ZCCHC24: variants seen among roughly 807,000 people sequenced by gnomAD.
The protein encoded by ZCCHC24 is zinc finger CCHC domain-containing protein 24.
A neutral mutation model predicts 26.2 loss-of-function variants in ZCCHC24; 10 were observed. The ratio of observed to expected loss-of-function variants is 0.38; its 90% confidence interval spans 0.24 to 0.65. ZCCHC24 has a LOEUF of 0.65. Ranked by LOEUF, ZCCHC24 falls within the 30% of genes least tolerant of loss-of-function variation. The pLI, the probability that ZCCHC24 is intolerant of heterozygous loss-of-function variation, is 0.54. For missense variants in ZCCHC24, 243 were observed against 329.1 expected (o/e 0.74, Z 2.03); for synonymous variants, 144 against 147.1 (o/e 0.98, Z 0.15).
Position 79,423,595 on chromosome 10 carries a change from A to ATATATAG in ZCCHC24, c.447+8962_447+8963insCTATATA, listed in dbSNP as rs1856983459. On this transcript the variant is annotated intron_variant, in intron 2 of 3. Transcript: ENST00000372336. ...AAATATATATACTATATATATATATATATATATATATATATTTTCTGACTG... is the reference window on the plus strand; with the variant it reads ...AAATATATATACTATATATATATATATATATAGTATATATATATATATTTTCTGACTG... Among the ~76,000 whole-genome samples the ATATATAG allele has an allele frequency of 1.8e-3, 98 of 55,534 alleles. 5 individuals carry two copies. Among genetic ancestry groups the ATATATAG allele is most frequent in the Admixed American group, 4.1e-3 (26 of 6,274 alleles). 36.4% of individuals were successfully genotyped at this position (55,534 alleles called of 152,430 possible). A position where few individuals can be genotyped will look rare whatever the true frequency, so the allele number is the denominator to read the frequency against.
intron 3 of ZCCHC24, among the ~76,000 whole-genome samples, chr10:79,391,403 T>C (rs187078598): frequency 2.6e-4 from 40 of 152,150 alleles, no homozygotes; most frequent in African/African-American, 8.7e-4. Flanking sequence ...TGAGGAGCCC[T>C]GCCCAGCCAG....
intron 2 of ZCCHC24, among the ~76,000 whole-genome samples, chr10:79,423,681 A>AT (rs1013197002): frequency 4.8e-5 from 7 of 146,148 alleles, no homozygotes; most frequent in Non-Finnish European, 8.9e-5. Flanking sequence ...TATTATACCC[A>AT]TTTTCTCATC....
At position 79,394,451 on chromosome 10, in the gene ZCCHC24, G is replaced by A. The variant is rs1235312577; in HGVS notation, c.448-11C>T. The A allele has an allele frequency of 2.5e-6, 4 of 1,611,842 alleles. No homozygotes were observed. In the Admixed American group the frequency reaches 6.7e-5, roughly 27 times the overall value. ...GCCTTTGGGGCGTGCCTACAGGGCA[G>A]GAAGCAAACACAGGGGATTGGAGTC... On this transcript the variant is annotated splice_polypyrimidine_tract_variant and intron_variant, in intron 2 of 3. Transcript: ENST00000372336.
At chr10:79,444,252 G>A in intron 1 of ZCCHC24, 1 of 1,450,622 alleles carries the variant, frequency 6.9e-7, no homozygotes, top group Non-Finnish European at 9.1e-7. Context: ...AGGAGTAAAT[G>A]GAGGGAGGGG....
At position 79,386,127 on chromosome 10, in the gene ZCCHC24, A is replaced by G; in HGVS notation, c.*218T>C. On this transcript the variant is annotated 3_prime_UTR_variant, in exon 4 of 4. Transcript: ENST00000372336. The stretch of plus-strand genomic sequence containing the variant: ...CCCAGGCCCGCCTGCAAAAAGCCCC[A>G]GACTCCCTGCTTTCCCTGGCCTGTG... 2 of 601,534 alleles carry G rather than the reference A, an allele frequency of 3.3e-6. No homozygotes were observed. Among genetic ancestry groups the G allele is most frequent in the South Asian group, 4.1e-5 (2 of 49,020 alleles). 37.3% of individuals were successfully genotyped at this position (601,534 alleles called of 1,614,324 possible).
intron 2 of ZCCHC24, among the ~76,000 whole-genome samples, chr10:79,395,818 T>A (rs1856539329): frequency 6.6e-6 from 1 of 152,234 alleles, no homozygotes; most frequent in Admixed American, 6.5e-5. Flanking sequence ...TCCCACACAG[T>A]GTTATTTTAA....
chr10:79,388,128 C>T (rs902198470), intron 3 of ZCCHC24, among the ~76,000 whole-genome samples: 1 of 152,222 alleles, frequency 6.6e-6, no homozygotes, highest in Non-Finnish European at 1.5e-5. Flanking sequence ...CTCTGGTCTC[C>T]ATGCTCCCAT....
chr10:79,425,787 T>A (rs1857019556), intron 2 of ZCCHC24, among the ~76,000 whole-genome samples: 1 of 152,228 alleles, frequency 6.6e-6, no homozygotes, highest in Admixed American at 6.5e-5. Context: ...TGCTATTGTA[T>A]AGTGTATGAT....
At chr10:79,399,372 C>T (rs1037987968) in intron 2 of ZCCHC24, among the ~76,000 whole-genome samples, 6 of 152,222 alleles carry the variant, frequency 3.9e-5, no homozygotes, top group East Asian at 1.9e-4. Context: ...ATGAAACAGA[C>T]GGTAACTGCT....
chr10:79,386,169 G>T lies in ZCCHC24; in HGVS notation c.*176C>A. The T allele has an allele frequency of 1.6e-6, 1 of 631,690 alleles. No homozygotes were observed. The highest frequency in any genetic ancestry group is 2.9e-6 in the Non-Finnish European group (1 of 344,206). The allele number at this position is 631,690 out of a possible 1,614,324, so 39.1% of individuals were successfully genotyped here. ...TGGCCTGTGGGGGGCAGCAATGTCA[G>T]TAACACTGTTTGTCAACACACACAA... On this transcript the variant is annotated 3_prime_UTR_variant, in exon 4 of 4. Coordinates refer to ENST00000372336, the MANE Select transcript of ZCCHC24 (RefSeq NM_153367.4).
intron 1 of ZCCHC24, among the ~76,000 whole-genome samples, chr10:79,436,945 C>T (rs1463337676): frequency 2.6e-5 from 4 of 152,228 alleles, no homozygotes; most frequent in African/African-American, 7.2e-5. Flanking sequence ...CCTCACACCG[C>T]ATCTGGGGGA....
At chr10:79,418,148 C>T (rs1443960664) in intron 2 of ZCCHC24, among the ~76,000 whole-genome samples, 1 of 152,230 alleles carries the variant, frequency 6.6e-6, no homozygotes, top group East Asian at 1.9e-4. Flanking sequence ...CGCTCGCACA[C>T]CTCTGATCAT....
intron 2 of ZCCHC24, among the ~76,000 whole-genome samples, chr10:79,399,334 G>C (rs1856598287): frequency 6.6e-6 from 1 of 152,234 alleles, no homozygotes; most frequent in Non-Finnish European, 1.5e-5. Context: ...CTCCCAGAAA[G>C]GCACGGCCTC....
intron 2 of ZCCHC24, among the ~76,000 whole-genome samples, chr10:79,412,777 G>C (rs1432442870): frequency 6.6e-6 from 1 of 152,228 alleles, no homozygotes; most frequent in African/African-American, 2.4e-5. Context: ...CTGGCGGCAA[G>C]AGCTTCGACA....
chr10:79,443,952 A>G, intron 1 of ZCCHC24: 7 of 1,128,482 alleles, frequency 6.2e-6, no homozygotes, highest in Non-Finnish European at 8.3e-6. Context: ...TTGGGCCAGC[A>G]TTTTATATGT....
Position 79,403,193 on chromosome 10 carries a change from A to G in ZCCHC24, c.448-8753T>C, listed in dbSNP as rs531892964. Among the ~76,000 whole-genome samples, 12 of 152,382 alleles carry G rather than the reference A, an allele frequency of 7.9e-5. No homozygotes were observed. The East Asian group carries it at 2.3e-3, about 29-fold the overall frequency. On this transcript the variant is annotated intron_variant, in intron 2 of 3. Transcript: ENST00000372336. ...GGATTCACGCCCTCAGGCAGAGGCC[A>G]GACAGACCTCCCAAGTGACAGGCAT...
chr10:79,411,462 C>T (rs1165296933), intron 2 of ZCCHC24, among the ~76,000 whole-genome samples: 1 of 152,164 alleles, frequency 6.6e-6, no homozygotes, highest in Non-Finnish European at 1.5e-5. Context: ...TCTTCAGAGC[C>T]ATGAAGGAGG....
chr10:79,388,031 G>A (rs1393346935), intron 3 of ZCCHC24, among the ~76,000 whole-genome samples: 1 of 152,190 alleles, frequency 6.6e-6, no homozygotes, highest in African/African-American at 2.4e-5. Flanking sequence ...CCAGGGAAGA[G>A]AGGAGTTGGA....
At chr10:79,392,504 C>T (rs895558049) in intron 3 of ZCCHC24, among the ~76,000 whole-genome samples, 2 of 152,210 alleles carry the variant, frequency 1.3e-5, no homozygotes, top group Admixed American at 1.3e-4. Flanking sequence ...ATGGGTGAAG[C>T]ATCCCCCGTT....
Sources: allele counts gnomAD v4.1 joint callset (sites outside exome capture counted in the v4.1 genomes callset), GRCh38; gene constraint gnomAD v4.1.1; transcripts MANE v1.5; gene names NCBI Gene and HGNC (gene_info 2026-07-23, HGNC 2026-07-21).